The following RIC3 variants were observed in gnomAD, a reference collection of about 807,000 sequenced individuals.
RIC3 encodes protein RIC-3.
RIC3 carries 28 observed loss-of-function variants against 27.3 expected under a neutral mutation model. The ratio of observed to expected loss-of-function variants is 1.02; its 90% confidence interval spans 0.76 to 1.41. The LOEUF (loss-of-function observed/expected upper bound fraction) is 1.41. RIC3 is among the 40% of genes most tolerant of loss of function. The probability of loss-of-function intolerance (pLI) is 0.00; values close to 1 mark genes in which losing one functional copy is unlikely to be tolerated. For missense variants in RIC3, 501 were observed against 444.7 expected, an observed-to-expected ratio of 1.13 and a Z score of -1.14; for synonymous variants, 184 against 160.4, an observed-to-expected ratio of 1.15 and a Z score of -1.11.
At chr11:8,166,467 TC>T (rs1432697940) in intron 1 of RIC3, among the ~76,000 whole-genome samples, 1 of 152,214 alleles carries the variant, frequency 6.6e-6, no homozygotes, top group Non-Finnish European at 1.5e-5. Flanking sequence ...TTTCAAATAC[TC>T]AGGGTTATTC....
At chr11:8,135,157 G>C (rs905175854) in intron 4 of RIC3, among the ~76,000 whole-genome samples, 3 of 152,164 alleles carry the variant, frequency 2.0e-5, no homozygotes, top group African/African-American at 7.2e-5. Context: ...ATTAATTTTT[G>C]TATAAGGTGT....
At chr11:8,151,777 G>A (rs555050701) in intron 1 of RIC3, among the ~76,000 whole-genome samples, 5 of 150,764 alleles carry the variant, frequency 3.3e-5, no homozygotes, top group South Asian at 2.1e-4. Flanking sequence ...TTACATGGGC[G>A]TGGTGGTGCA....
At chr11:8,152,465 G>A (rs1430893891) in intron 1 of RIC3, among the ~76,000 whole-genome samples, 2 of 152,144 alleles carry the variant, frequency 1.3e-5, no homozygotes, top group East Asian at 3.9e-4. Context: ...AGCCAGTCAT[G>A]GAAAACCACA....
chr11:8,155,723 T>C (rs533198240), intron 1 of RIC3, among the ~76,000 whole-genome samples: 3 of 152,320 alleles, frequency 2.0e-5, no homozygotes, highest in South Asian at 4.1e-4. Context: ...CTGCAGCATT[T>C]CATTCTTGGG....
At chr11:8,121,181 A>C (rs113795072) in intron 5 of RIC3, among the ~76,000 whole-genome samples, 87 of 152,362 alleles carry the variant, frequency 5.7e-4, no homozygotes, top group African/African-American at 2.0e-3. Flanking sequence ...ATATCTTTAA[A>C]AATTAATATC....
chr11:8,168,227 C>A (rs1220942869), intron 1 of RIC3, among the ~76,000 whole-genome samples: 6 of 152,262 alleles, frequency 3.9e-5, no homozygotes, highest in African/African-American at 1.4e-4. Context: ...TTTTTAAACA[C>A]CACATACATC....
intron 1 of RIC3, among the ~76,000 whole-genome samples, chr11:8,149,944 G>T (rs578115092): frequency 5.0e-4 from 76 of 152,300 alleles, no homozygotes; most frequent in African/African-American, 1.7e-3. Context: ...GGTCTACAGA[G>T]AATGTACAGT....
At chr11:8,096,620 T>A in the RIC3 span, 1 of 1,057,750 alleles carries the variant, frequency 9.5e-7, no homozygotes, top group Non-Finnish European at 1.5e-6. Context: ...TATGTGACCA[T>A]GTGTATTTCA....
In RIC3 at chr11:8,107,880, C is replaced by T. The variant is rs1208826704; in HGVS notation, c.*2818G>A. The T allele has an allele frequency of 3.3e-5, 5 of 152,140 alleles. No individual in the cohort carries two copies. Among genetic ancestry groups the T allele is most frequent in the Non-Finnish European group, 4.4e-5 (3 of 68,036 alleles). 9.4% of individuals were successfully genotyped at this position (152,140 alleles called of 1,614,324 possible). On this transcript the variant is annotated 3_prime_UTR_variant, in exon 6 of 6. Transcript: ENST00000309737. The stretch of plus-strand genomic sequence containing the variant: ...AGGGGACTGATCAAGTTCCCAGCAC[C>T]CTCGTGAGAAATGAAGACCGCAAGA...
intron 4 of RIC3, among the ~76,000 whole-genome samples, chr11:8,136,931 C>T (rs1382286790): frequency 6.6e-6 from 1 of 151,914 alleles, no homozygotes; most frequent in Admixed American, 6.6e-5. Flanking sequence ...ATAAAGAATA[C>T]GTAAATGACA....
chr11:8,161,593 C>T (rs1951169382), intron 1 of RIC3, among the ~76,000 whole-genome samples: 1 of 152,128 alleles, frequency 6.6e-6, no homozygotes, highest in African/African-American at 2.4e-5. Context: ...TTCTTTCTAC[C>T]CACAGCACCA....
downstream of RIC3, among the ~76,000 whole-genome samples, chr11:8,101,204 T>C (rs1944285394): frequency 6.6e-6 from 1 of 152,214 alleles, no homozygotes; most frequent in Admixed American, 6.5e-5. Context: ...AGATTCTGTG[T>C]ATTCAACGGA....
downstream of RIC3, chr11:8,104,931 T>TC (rs965673703): frequency 7.5e-6 from 1 of 132,982 alleles, no homozygotes; most frequent in Non-Finnish European, 1.6e-5. Flanking sequence ...CAGAAGGTTG[T>TC]TTTTTTTTTT....
chr11:8,118,527 TA>T (rs11378233), intron 5 of RIC3, among the ~76,000 whole-genome samples: 3,533 of 66,516 alleles, frequency 0.053, 64 homozygotes, highest in African/African-American at 0.072. Flanking sequence ...GCCATAATTG[TA>T]AAAAAAAAAA....
In RIC3 at chr11:8,155,008, C is replaced by T. The variant is rs796100095; in HGVS notation, c.124+13858G>A. The stretch of plus-strand genomic sequence containing the variant: ...CTGAGGTGGGAAAACTGCTTGAGCC[C>T]AGGAGTTCAAGACCAGTCTGGGCAA... On this transcript the variant is annotated intron_variant, in intron 1 of 5. Transcript: ENST00000309737. 5.9e-5 allele frequency among the ~76,000 whole-genome samples: 9 copies of T among 152,050 alleles called. No individual in the cohort carries two copies. The South Asian group carries it at 1.7e-3, about 28-fold the overall frequency.
At chr11:8,095,690 T>A in the RIC3 span, 1 of 1,565,504 alleles carries the variant, frequency 6.4e-7, no homozygotes, top group Non-Finnish European at 8.7e-7. Flanking sequence ...GACCCAGTGA[T>A]ACCCCCAAAA....
chr11:8,111,654 TAGAG>T (rs1326366970), intron 5 of RIC3, among the ~76,000 whole-genome samples: 4 of 152,144 alleles, frequency 2.6e-5, no homozygotes, highest in African/African-American at 7.2e-5. Flanking sequence ...GTGTCAAAAA[TAGAG>T]AGCACTTTAG....
chr11:8,093,933 TG>T, the RIC3 span: 7 of 1,267,302 alleles, frequency 5.5e-6, no homozygotes, highest in Non-Finnish European at 7.9e-6. Flanking sequence ...GGGGCCCTGG[TG>T]GGACTCGGGG....
downstream of RIC3, chr11:8,101,660 G>A (rs778432367): frequency 2.5e-6 from 4 of 1,606,640 alleles, no homozygotes; most frequent in Admixed American, 3.4e-5. Flanking sequence ...GCCTGGAGCG[G>A]AGCTTGCCTG....
Sources: allele counts gnomAD v4.1 joint callset (sites outside exome capture counted in the v4.1 genomes callset), GRCh38; gene constraint gnomAD v4.1.1; transcripts MANE v1.5; gene names NCBI Gene and HGNC (gene_info 2026-07-23, HGNC 2026-07-21).